IBTK: variants seen among roughly 807,000 people sequenced by gnomAD.
IBTK encodes the protein inhibitor of Bruton tyrosine kinase.
A neutral mutation model predicts 154.9 loss-of-function variants in IBTK; 83 were observed. The observed-to-expected ratio is 0.54, with a 90% confidence interval of 0.45 to 0.64. IBTK has a LOEUF of 0.64. Among genes scored for constraint, IBTK ranks in the 30% least tolerant of loss-of-function variants. The pLI is 0.00. For missense variants in IBTK, 1,332 were observed against 1,584.6 expected, an observed-to-expected ratio of 0.84 and a Z score of 2.71; for synonymous variants, 515 against 536.1, an observed-to-expected ratio of 0.96 and a Z score of 0.54.
At chr6:82,200,820 G>A in intron 19 of IBTK, 112 bp from the exon 20 acceptor site, 1 of 1,179,246 alleles carries the variant, frequency 8.5e-7, no homozygotes. Context: ...CAGGCTGTTT[G>A]GAACACCTGG....
chr6:82,201,423 A>G lies in IBTK; in HGVS notation c.2789T>C (p.Met930Thr), dbSNP rs777647430. 10 of 1,606,932 alleles carry G rather than the reference A, an allele frequency of 6.2e-6. No individual in the cohort carries two copies. The highest frequency in any genetic ancestry group is 7.7e-6 in the Non-Finnish European group (9 of 1,175,690). ...AAAATCTTAAAACATAAACCTTACCATTTTCCGGTAAAACTCAGAAAGATC... is the reference window on the plus strand; with the variant it reads ...AAAATCTTAAAACATAAACCTTACCGTTTTCCGGTAAAACTCAGAAAGATC... ...LKDLSEFYRK[M>T]IPAMDRRVIT... Residue 930 changes from methionine to threonine, a missense_variant and splice_region_variant, in exon 19 of 29, where the codon ATG (methionine) becomes ACG (threonine). Met to Thr is a moderately conservative substitution (Grantham distance 81). This residue lies in a region of IBTK where 1,134 missense variants were observed against 1,274.7 expected (regional missense o/e 0.89). Coordinates refer to ENST00000306270, the MANE Select transcript of IBTK (RefSeq NM_015525.4).
intron 1 of IBTK, among the ~76,000 whole-genome samples, chr6:82,244,280 A>G (rs1317852638): frequency 6.6e-6 from 1 of 152,262 alleles, no homozygotes; most frequent in Non-Finnish European, 1.5e-5. Flanking sequence ...GAGCTTCATT[A>G]TCACTTGTTA....
intron 1 of IBTK, among the ~76,000 whole-genome samples, chr6:82,244,295 T>A (rs1254889977): frequency 1.3e-5 from 2 of 152,240 alleles, no homozygotes; most frequent in African/African-American, 2.4e-5. Context: ...TTGTTACCAC[T>A]TCTCCAAAGA....
chr6:82,235,053 G>A (rs1216411030), intron 2 of IBTK, among the ~76,000 whole-genome samples: 1 of 151,746 alleles, frequency 6.6e-6, no homozygotes, highest in Admixed American at 6.6e-5. Context: ...TAGAGATGGG[G>A]TTTCACCATG....
At chr6:82,218,559 G>A (rs1769956931) in intron 9 of IBTK, among the ~76,000 whole-genome samples, 1 of 152,116 alleles carries the variant, frequency 6.6e-6, no homozygotes, top group African/African-American at 2.4e-5. Context: ...CAAGAAAAAA[G>A]TAAATGTATG....
At chr6:82,189,663 G>C (rs117616264) in intron 25 of IBTK, among the ~76,000 whole-genome samples, 20 of 151,998 alleles carry the variant, frequency 1.3e-4, no homozygotes, top group Non-Finnish European at 8.8e-5. Flanking sequence ...GAAAAGACCC[G>C]GTTCAGATCA....
intron 24 of IBTK, chr6:82,191,506 T>C: frequency 1.8e-6 from 1 of 568,266 alleles, no homozygotes; most frequent in Non-Finnish European, 3.1e-6. Context: ...TCACAAGCCT[T>C]AACTCTTTGG....
At chr6:82,204,160 G>A (rs988890419) in intron 17 of IBTK, among the ~76,000 whole-genome samples, 1 of 152,118 alleles carries the variant, frequency 6.6e-6, no homozygotes, top group Non-Finnish European at 1.5e-5. Flanking sequence ...GTAGACAGGA[G>A]AAAGAGCATT....
chr6:82,215,988 A>G (rs1251879859), intron 11 of IBTK, 88 bp downstream of exon 11: 1 of 910,096 alleles, frequency 1.1e-6, no homozygotes, highest in Non-Finnish European at 1.7e-6. Flanking sequence ...ACAGCTCTTC[A>G]ATTAAATTTG....
intron 4 of IBTK, among the ~76,000 whole-genome samples, chr6:82,229,338 C>CTA (rs1225802119): frequency 1.3e-5 from 2 of 152,134 alleles, no homozygotes; most frequent in Non-Finnish European, 2.9e-5. Context: ...ATATTCCAAA[C>CTA]TATATATTTC....
intron 26 of IBTK, 60 bp from the exon 27 acceptor site, chr6:82,173,498 T>C: frequency 7.4e-7 from 1 of 1,355,534 alleles, no homozygotes. Context: ...TCAAACTGCT[T>C]ATTAATAGAT....
intron 6 of IBTK, among the ~76,000 whole-genome samples, chr6:82,225,066 G>A (rs1403742835): frequency 1.3e-5 from 2 of 151,860 alleles, no homozygotes; most frequent in South Asian, 2.1e-4. Context: ...TTGGGAGGCC[G>A]AGGTGGGCAG....
intron 26 of IBTK, among the ~76,000 whole-genome samples, chr6:82,177,594 A>G (rs1403966973): frequency 6.6e-6 from 1 of 152,002 alleles, no homozygotes; most frequent in Non-Finnish European, 1.5e-5. Flanking sequence ...TTATATTTTT[A>G]GTAGAGATAG....
At chr6:82,206,398 A>G (rs953425572) in intron 16 of IBTK, among the ~76,000 whole-genome samples, 2 of 143,416 alleles carry the variant, frequency 1.4e-5, no homozygotes, top group Non-Finnish European at 3.1e-5. Flanking sequence ...ACAATTAGCA[A>G]TAAGTAAAGT....
intron 17 of IBTK, 111 bp downstream of exon 17, chr6:82,204,746 G>T: frequency 3.9e-6 from 2 of 513,792 alleles, no homozygotes; most frequent in Non-Finnish European, 6.6e-6. Flanking sequence ...GGTTTTCGTG[G>T]TACCAAAAAA....
At chr6:82,225,784 T>A (rs1770274664) in intron 5 of IBTK, 137 bp from the exon 6 acceptor site, 4 of 625,436 alleles carry the variant, frequency 6.4e-6, no homozygotes, top group Non-Finnish European at 1.0e-5. Flanking sequence ...AGGTAAATTC[T>A]ACATTTCAGC....
rs189741070 is a variant in IBTK at position 82,191,027 on chromosome 6, G to A, written c.3575+46C>T. The A allele has an allele frequency of 5.3e-3, 7,411 of 1,385,478 alleles. 27 individuals are homozygous for A. The highest frequency in any genetic ancestry group is 6.3e-3 in the Non-Finnish European group (6,625 of 1,051,960). 85.8% of individuals were successfully genotyped at this position (1,385,478 alleles called of 1,614,324 possible). A position where few individuals can be genotyped will look rare whatever the true frequency, so the allele number is the denominator to read the frequency against. ...TCCAAAGTCAAGTACTACCTTAAAA[G>A]CAAATGCACAAATCTATATTAATTT... is the stretch of plus-strand genomic sequence containing the variant. On this transcript the variant is annotated intron_variant, in intron 25 of 28. Coordinates refer to ENST00000306270, the MANE Select transcript of IBTK (RefSeq NM_015525.4).
At chr6:82,241,465 A>T (rs1463402169) in intron 1 of IBTK, among the ~76,000 whole-genome samples, 1 of 152,230 alleles carries the variant, frequency 6.6e-6, no homozygotes, top group Non-Finnish European at 1.5e-5. Context: ...TGAAGAGATG[A>T]TAATTAAACA....
At position 82,171,484 on chromosome 6, in the gene IBTK, C is replaced by T. The variant is rs367607944; in HGVS notation, c.4003G>A (p.Val1335Ile). Residue 1335 changes from valine to isoleucine, a missense_variant, in exon 29 of 29, where the codon GTT becomes ATT. Transcript: ENST00000306270. ...AFGNPEEFVIVERTPQGPLAV... is the reference protein window; with the variant it reads ...AFGNPEEFVIIERTPQGPLAV... ...AGTGGTCCCTGCGGTGTCCTTTCAA[C>T]AATGACAAACTCTTCAGGGTTGCCA... 8 of 1,613,020 alleles carry T rather than the reference C, an allele frequency of 5.0e-6. No homozygotes were observed. The highest frequency in any genetic ancestry group is 6.8e-6 in the Non-Finnish European group (8 of 1,179,344).
Sources: allele counts gnomAD v4.1 joint callset (sites outside exome capture counted in the v4.1 genomes callset), GRCh38; gene constraint gnomAD v4.1.1; regional missense constraint gnomAD v4.1.1; transcripts MANE v1.5; gene names NCBI Gene and HGNC (gene_info 2026-07-23, HGNC 2026-07-21).